PSG11: variants seen among roughly 807,000 people sequenced by gnomAD.
PSG11 encodes pregnancy specific beta-1-glycoprotein 11, also known as pregnancy-specific beta-1-glycoprotein 11.
Under a neutral mutation model 36.0 loss-of-function variants are expected in PSG11, and 42 were observed. That is an observed-to-expected ratio of 1.17 (90% CI 0.91 to 1.51). PSG11 has a LOEUF of 1.51. Ranked by LOEUF, PSG11 falls within the 40% of genes most tolerant of loss-of-function variation. The probability of loss-of-function intolerance (pLI) is 0.00; values close to 1 mark genes in which losing one functional copy is unlikely to be tolerated. For synonymous variants in PSG11, 206 were observed against 153.5 expected, an observed-to-expected ratio of 1.34 and a Z score of -2.53; for missense variants, 558 against 403.5, an observed-to-expected ratio of 1.38 and a Z score of -3.28.
intron 2 of PSG11, chr19:43,019,263 C>T (rs750644034): frequency 1.1e-5 from 12 of 1,095,330 alleles, no homozygotes; most frequent in South Asian, 8.6e-5. Flanking sequence ...CAGACTTTCT[C>T]AGGTGTGAAT....
In PSG11 at chr19:43,010,058, AG is replaced by A; in HGVS notation, c.965-18del. The A allele has an allele frequency of 3.1e-6, 5 of 1,607,118 alleles. No homozygotes were observed. The highest frequency in any genetic ancestry group is 1.3e-5 in the African/African-American group (1 of 74,434). On this transcript the variant is annotated intron_variant, in intron 4 of 5. Coordinates refer to ENST00000320078, the MANE Select transcript of PSG11 (RefSeq NM_002785.3). ...CTGGAGGAGCTGTCATGGAAAGAAAAGAAAAGAAGGAATGAAGGTGATGTTA... is the reference window on the plus strand; with the variant it reads ...CTGGAGGAGCTGTCATGGAAAGAAAAAAAAGAAGGAATGAAGGTGATGTTA...
Position 43,026,182 on chromosome 19 carries a change from C to T in PSG11, c.64+127G>A, listed in dbSNP as rs149528798. On this transcript the variant is annotated intron_variant, in intron 1 of 5. Coordinates refer to ENST00000320078, the MANE Select transcript of PSG11 (RefSeq NM_002785.3). ...GATCTTGAACTCCTGATCTCGTGAT[C>T]CACCCACCTCAGCCTCCCTAAATGC... 0.018 allele frequency: 25,996 copies of T among 1,417,388 alleles called. 655 individuals are homozygous for T. Among genetic ancestry groups the T allele is most frequent in the Non-Finnish European group, 0.021 (21,959 of 1,033,606 alleles). 87.8% of individuals were successfully genotyped at this position (1,417,388 alleles called of 1,614,324 possible).
At chr19:43,013,140 A>C (rs745560736) in intron 4 of PSG11, among the ~76,000 whole-genome samples, 5 of 151,350 alleles carry the variant, frequency 3.3e-5, no homozygotes, top group Non-Finnish European at 7.4e-5. Flanking sequence ...TAAATCATAG[A>C]TCTAAATGTG....
At chr19:43,017,353 G>T (rs1966992863) in intron 3 of PSG11, 1 of 151,490 alleles carries the variant, frequency 6.6e-6, no homozygotes, top group Non-Finnish European at 1.5e-5. Flanking sequence ...TTCAGCATCA[G>T]ATTAGTAGAC....
intron 4 of PSG11, chr19:43,010,590 C>A: frequency 2.6e-6 from 1 of 392,138 alleles, no homozygotes; most frequent in Non-Finnish European, 4.7e-6. Flanking sequence ...TCCTCATCAG[C>A]CTTGCAAAAA....
chr19:43,025,180 C>G lies in PSG11; in HGVS notation c.65-124G>C. ...TTGAAGACACACACACACACACACA[C>G]ACACATACAAACATACACACACAGA... On this transcript the variant is annotated intron_variant, in intron 1 of 5. Transcript: ENST00000320078. 1.0e-5 allele frequency: 14 copies of G among 1,379,620 alleles called. 1 individual carries two copies. The South Asian group carries it at 1.8e-4, about 18-fold the overall frequency. 85.5% of individuals were successfully genotyped at this position (1,379,620 alleles called of 1,614,324 possible). A position where few individuals can be genotyped will look rare whatever the true frequency, so the allele number is the denominator to read the frequency against.
intron 1 of PSG11, chr19:43,025,438 T>G: frequency 4.4e-6 from 1 of 229,362 alleles, no homozygotes; most frequent in Non-Finnish European, 8.5e-6. Flanking sequence ...ACTCTGGGTC[T>G]TCCCTTTCTG....
intron 4 of PSG11, among the ~76,000 whole-genome samples, chr19:43,011,887 G>A (rs1974085538): frequency 6.9e-6 from 1 of 145,846 alleles, no homozygotes; most frequent in Non-Finnish European, 1.5e-5. Flanking sequence ...CAGAGTGAGA[G>A]TCTGTCTCTC....
chr19:43,021,515 C>G (rs1568491588), intron 2 of PSG11, among the ~76,000 whole-genome samples: 1 of 151,244 alleles, frequency 6.6e-6, no homozygotes, highest in African/African-American at 2.4e-5. Flanking sequence ...CCATGCCCAG[C>G]TAATTTTTTG....
rs1445588921 is a variant in PSG11, at chr19:43,007,674, T to C, written c.*409A>G. ...TTCTTACTAAACTTGTGCAAATAAC[T>C]TTATTACCATAAACATATGAATATT... On this transcript the variant is annotated 3_prime_UTR_variant, in exon 6 of 6. Coordinates refer to ENST00000320078, the MANE Select transcript of PSG11 (RefSeq NM_002785.3). The C allele has an allele frequency of 1.2e-5, 2 of 163,436 alleles. No homozygotes were observed. The highest frequency in any genetic ancestry group is 4.8e-5 in the African/African-American group (2 of 41,638). 10.1% of individuals were successfully genotyped at this position (163,436 alleles called of 1,614,324 possible). A position where few individuals can be genotyped will look rare whatever the true frequency, so the allele number is the denominator to read the frequency against.
At chr19:43,011,350 T>G (rs942571437) in intron 4 of PSG11, among the ~76,000 whole-genome samples, 3 of 150,676 alleles carry the variant, frequency 2.0e-5, no homozygotes, top group Non-Finnish European at 4.4e-5. Context: ...AGAAGAAAGA[T>G]CTCAGGTCAA....
chr19:43,014,881 T>A (rs1242263408), intron 4 of PSG11: 2 of 1,391,226 alleles, frequency 1.4e-6, no homozygotes, highest in Non-Finnish European at 1.9e-6. Flanking sequence ...TCAGGGCTGA[T>A]AAAGCCCCCT....
At chr19:43,010,354 G>T (rs531767197) in intron 4 of PSG11, 3 of 1,531,162 alleles carry the variant, frequency 2.0e-6, no homozygotes, top group African/African-American at 1.4e-5. Flanking sequence ...ACCTTTTCAT[G>T]GTTGCATCTT....
intron 4 of PSG11, among the ~76,000 whole-genome samples, chr19:43,013,103 A>G (rs1486380666): frequency 6.6e-6 from 1 of 151,374 alleles, no homozygotes; most frequent in African/African-American, 2.4e-5. Flanking sequence ...CCTTTACCTA[A>G]CACCATGTAC....
At chr19:43,024,207 T>C (rs1967176878) in intron 2 of PSG11, among the ~76,000 whole-genome samples, 2 of 151,336 alleles carry the variant, frequency 1.3e-5, no homozygotes, top group Non-Finnish European at 2.9e-5. Context: ...GGTAAATTCT[T>C]GGTCCCAGTA....
chr19:43,014,593 C>G, intron 4 of PSG11: 1 of 1,024,708 alleles, frequency 9.8e-7, no homozygotes, highest in Non-Finnish European at 1.2e-6. Context: ...GGTCCCACCC[C>G]AGGTTGAGTG....
chr19:43,009,495 C>A (rs894117271), intron 5 of PSG11, among the ~76,000 whole-genome samples: 3 of 151,152 alleles, frequency 2.0e-5, no homozygotes, highest in East Asian at 3.9e-4. Context: ...GTGAACTTAT[C>A]AAATAGGCTA....
At chr19:43,025,194 T>TAC in intron 1 of PSG11, 138 bp from the exon 2 acceptor site, 1 of 1,346,944 alleles carries the variant, frequency 7.4e-7, no homozygotes. Context: ...CATACAAACA[T>TAC]ACACACACAG....
In PSG11 at chr19:43,022,519, A is replaced by G. The variant is rs557086928; in HGVS notation, c.430+2172T>C. On this transcript the variant is annotated intron_variant, in intron 2 of 5. Coordinates refer to ENST00000320078, the MANE Select transcript of PSG11 (RefSeq NM_002785.3). The stretch of plus-strand genomic sequence containing the variant: ...TCCACTGGGGAGGCTGATTTCAGTA[A>G]TAATAAACCTCTGTCCTCCTGTTTG... Among the ~76,000 whole-genome samples the G allele has an allele frequency of 2.8e-4, 43 of 151,522 alleles. 2 individuals carry two copies. The South Asian group carries it at 5.7e-3, about 20-fold the overall frequency.
Sources: gnomAD v4.1 joint callset for allele counts (sites outside exome capture counted in the v4.1 genomes callset) on GRCh38, gnomAD v4.1.1 for gene constraint, MANE v1.5 for transcripts, NCBI Gene and HGNC (gene_info 2026-07-23, HGNC 2026-07-21) for gene names.